CPED1: variants seen among roughly 807,000 people sequenced by gnomAD.
The protein encoded by CPED1 is cadherin like and PC-esterase domain containing 1.
Under a neutral mutation model 128.2 loss-of-function variants are expected in CPED1, and 114 were observed. The observed-to-expected ratio is 0.89, with a 90% CI of 0.76 to 1.04. The LOEUF is 1.04. Ranked by LOEUF, CPED1 falls within the 50% of genes least tolerant of loss-of-function variation. The pLI, the probability that CPED1 is intolerant of heterozygous loss-of-function variation, is 0.00. For missense variants in CPED1, 1,211 were observed against 1,207.1 expected, an observed-to-expected ratio of 1.00 and a Z score of -0.05; for synonymous variants, 462 against 426.7, an observed-to-expected ratio of 1.08 and a Z score of -1.02.
chr7:121,119,343 C>G (rs1795329863), intron 7 of CPED1, among the ~76,000 whole-genome samples: 1 of 150,564 alleles, frequency 6.6e-6, no homozygotes, highest in African/African-American at 2.4e-5. Context: ...GATTCTCTTG[C>G]CTTAGTAGAA....
At chr7:120,998,501 TTAAC>T (rs1796448055) in intron 2 of CPED1, among the ~76,000 whole-genome samples, 1 of 152,098 alleles carries the variant, frequency 6.6e-6, no homozygotes, top group Non-Finnish European at 1.5e-5. Flanking sequence ...TCAATAAATA[TTAAC>T]TATGAAAATA....
intron 13 of CPED1, among the ~76,000 whole-genome samples, chr7:121,135,741 TATAGTC>T (rs1409750446): frequency 1.3e-5 from 2 of 152,058 alleles, no homozygotes; most frequent in African/African-American, 2.4e-5. Context: ...TTTGGGAAAT[TATAGTC>T]ATAGGATATA....
At chr7:121,106,244 T>A (rs1345143727) in intron 7 of CPED1, among the ~76,000 whole-genome samples, 1 of 152,118 alleles carries the variant, frequency 6.6e-6, no homozygotes, top group Non-Finnish European at 1.5e-5. Context: ...TTTTCCCTTC[T>A]GAACTAGGGT....
chr7:121,072,916 A>G (rs992862717), intron 5 of CPED1, among the ~76,000 whole-genome samples: 1 of 152,158 alleles, frequency 6.6e-6, no homozygotes, highest in Admixed American at 6.5e-5. Flanking sequence ...TGGCTAAGAT[A>G]GATTTACACT....
chr7:121,044,650 C>CTTTTTTT (rs58884492), intron 3 of CPED1, among the ~76,000 whole-genome samples: 3 of 106,038 alleles, frequency 2.8e-5, no homozygotes, highest in Non-Finnish European at 5.5e-5. Context: ...ACTTTCTGCT[C>CTTTTTTT]TTTTTTTTTT....
intron 5 of CPED1, among the ~76,000 whole-genome samples, chr7:121,077,739 T>G (rs1477071608): frequency 1.3e-5 from 2 of 151,374 alleles, no homozygotes; most frequent in African/African-American, 4.8e-5. Context: ...AACAATATGC[T>G]TTGTTTTAAA....
chr7:121,140,710 C>T, intron 14 of CPED1, 117 bp from the exon 15 acceptor site: 1 of 695,196 alleles, frequency 1.4e-6, no homozygotes, highest in South Asian at 1.9e-5. Context: ...GGAAAGTCAG[C>T]AGGGATCATT....
chr7:120,996,515 G>A (rs993802389), intron 2 of CPED1, among the ~76,000 whole-genome samples: 1 of 152,006 alleles, frequency 6.6e-6, no homozygotes, highest in Admixed American at 6.6e-5. Flanking sequence ...TTGGCATCTG[G>A]CCCAGATCTG....
intron 16 of CPED1, among the ~76,000 whole-genome samples, chr7:121,211,915 A>G (rs1280993653): frequency 6.6e-6 from 1 of 152,076 alleles, no homozygotes; most frequent in Admixed American, 6.6e-5. Flanking sequence ...TAAAACCAGG[A>G]GGAATTTAAG....
At chr7:121,248,471 T>C (rs1798590569) in intron 18 of CPED1, among the ~76,000 whole-genome samples, 1 of 151,520 alleles carries the variant, frequency 6.6e-6, no homozygotes, top group African/African-American at 2.4e-5. Flanking sequence ...CTTGAATAAA[T>C]ACAGAGGAGC....
intron 22 of CPED1, among the ~76,000 whole-genome samples, chr7:121,275,479 G>A (rs1185274042): frequency 6.6e-6 from 1 of 152,130 alleles, no homozygotes; most frequent in Non-Finnish European, 1.5e-5. Flanking sequence ...AACACCTACT[G>A]TGAACAAGCT....
intron 5 of CPED1, among the ~76,000 whole-genome samples, chr7:121,079,745 A>G (rs1794234680): frequency 6.6e-6 from 1 of 152,200 alleles, no homozygotes; most frequent in Non-Finnish European, 1.5e-5. Context: ...GGTAGAGTAA[A>G]TTTCGAAGAC....
At chr7:121,021,613 A>C (rs1475704904) in intron 3 of CPED1, among the ~76,000 whole-genome samples, 1 of 152,026 alleles carries the variant, frequency 6.6e-6, no homozygotes, top group Non-Finnish European at 1.5e-5. Flanking sequence ...TAGGCTTTGG[A>C]AATTAAAAAG....
In CPED1 at chr7:121,079,647, C is replaced by A. The variant is rs74407136; in HGVS notation, c.616+15334C>A. Among the ~76,000 whole-genome samples, 1,437 of 152,342 alleles carry A rather than the reference C, an allele frequency of 9.4e-3. 28 individuals are homozygous for A. Among genetic ancestry groups the A allele is most frequent in the African/African-American group, 0.032 (1,347 of 41,586 alleles). On this transcript the variant is annotated intron_variant, in intron 5 of 22. Transcript: ENST00000310396. ...TCAGGCCAGTTTAAAAGTCCACTTT[C>A]CAGAAAACATTTGGCAGTTTGCTGA...
At chr7:121,224,936 AT>A (rs940257039) in intron 16 of CPED1, among the ~76,000 whole-genome samples, 34 of 151,618 alleles carry the variant, frequency 2.2e-4, no homozygotes, top group Admixed American at 8.6e-4. Flanking sequence ...CAATTTGCCC[AT>A]TTGTGTCTTT....
At chr7:121,022,017 A>G (rs1258478666) in intron 3 of CPED1, among the ~76,000 whole-genome samples, 1 of 151,910 alleles carries the variant, frequency 6.6e-6, no homozygotes, top group Non-Finnish European at 1.5e-5. Context: ...AAATTCTGAC[A>G]TACTCTCCTG....
chr7:121,265,133 C>A (rs139156376), intron 18 of CPED1, among the ~76,000 whole-genome samples: 17 of 151,994 alleles, frequency 1.1e-4, no homozygotes, highest in African/African-American at 4.1e-4. Context: ...ACTTTCAAGG[C>A]AGACAGACTA....
intron 16 of CPED1, among the ~76,000 whole-genome samples, chr7:121,163,717 A>G (rs1026060380): frequency 1.3e-5 from 2 of 152,228 alleles, no homozygotes; most frequent in Admixed American, 1.3e-4. Flanking sequence ...AGAGGGTTGA[A>G]CAATGGGCCA....
intron 16 of CPED1, among the ~76,000 whole-genome samples, chr7:121,229,666 T>C (rs1310823896): frequency 6.6e-6 from 1 of 152,060 alleles, no homozygotes; most frequent in Non-Finnish European, 1.5e-5. Flanking sequence ...GAAATTTTAT[T>C]TGTTTGTGGC....
Sources: gnomAD v4.1 joint callset for allele counts (sites outside exome capture counted in the v4.1 genomes callset) on GRCh38, gnomAD v4.1.1 for gene constraint, MANE v1.5 for transcripts, NCBI Gene and HGNC (gene_info 2026-07-23, HGNC 2026-07-21) for gene names.